The following SVEP1 variants were observed in gnomAD, a reference collection of about 807,000 sequenced individuals.
The protein encoded by SVEP1 is sushi, von Willebrand factor type A, EGF and pentraxin domain containing 1.
In SVEP1, 164 loss-of-function variants were observed where a neutral mutation model predicts 367.3. The observed-to-expected ratio is 0.45, with a 90% confidence interval of 0.39 to 0.51. SVEP1 has a LOEUF of 0.51. SVEP1 is among the 20% of genes least tolerant of loss of function. SVEP1 has a pLI of 0.00. For synonymous variants in SVEP1, 1,666 were observed against 1,611.6 expected (o/e 1.03, Z -0.81); for missense variants, 4,117 against 4,425.3 (o/e 0.93, Z 1.98).
intron 1 of SVEP1, among the ~76,000 whole-genome samples, chr9:110,573,961 T>C (rs1483995528): frequency 6.6e-6 from 1 of 152,242 alleles, no homozygotes. Context: ...GGGGTGGTTC[T>C]GAAGAGACTA....
intron 14 of SVEP1, among the ~76,000 whole-genome samples, chr9:110,473,767 T>C (rs1374827733): frequency 2.0e-5 from 3 of 152,194 alleles, no homozygotes; most frequent in Non-Finnish European, 4.4e-5. Flanking sequence ...TTATGAAATG[T>C]AGTACATATT....
chr9:110,370,360 C>A (rs10980348), intron 46 of SVEP1, among the ~76,000 whole-genome samples: 32,206 of 152,026 alleles, frequency 0.21, 3,957 homozygotes, highest in Middle Eastern at 0.35. Context: ...ATGTTTTGAA[C>A]TATAAATTTT....
rs533005176 is a variant in SVEP1, at chr9:110,515,400, G to A, written c.965-1294C>T. Among the ~76,000 whole-genome samples the A allele has an allele frequency of 8.0e-4, 119 of 149,166 alleles. 1 individual carries two copies. The highest frequency in any genetic ancestry group is 1.4e-3 in the Admixed American group (20 of 14,730). ...ACTGCAACCTCTGCCTCCCTGGTTC[G>A]TGCCATTCTCCTGCCTCAGCCTCCC... On this transcript the variant is annotated intron_variant, in intron 3 of 47. Coordinates refer to ENST00000374469, the MANE Select transcript of SVEP1 (RefSeq NM_153366.4).
At chr9:110,468,179 G>A (rs1828967046) in intron 17 of SVEP1, among the ~76,000 whole-genome samples, 1 of 152,206 alleles carries the variant, frequency 6.6e-6, no homozygotes, top group African/African-American at 2.4e-5. Flanking sequence ...GATGAATGTG[G>A]ATTGGAGTTT....
chr9:110,446,093 T>C, intron 25 of SVEP1, 55 bp from the exon 26 acceptor site: 1 of 1,501,420 alleles, frequency 6.7e-7, no homozygotes, highest in Admixed American at 2.0e-5. Flanking sequence ...CATTTCCAAT[T>C]GTCAGAGGAA....
At chr9:110,466,063 T>C (rs368292149) in intron 17 of SVEP1, 37 bp from the exon 18 acceptor site, 4 of 1,590,788 alleles carry the variant, frequency 2.5e-6, no homozygotes, top group South Asian at 2.2e-5. Context: ...TCAATAATGA[T>C]ATTAAGCTGC....
chr9:110,566,321 C>G (rs1830492677), intron 1 of SVEP1, among the ~76,000 whole-genome samples: 2 of 136,304 alleles, frequency 1.5e-5, no homozygotes, highest in South Asian at 2.5e-4. Flanking sequence ...GATCCTGTCT[C>G]CATAATAAAT....
At chr9:110,461,427 A>G (rs1441233773) in intron 18 of SVEP1, among the ~76,000 whole-genome samples, 1 of 152,210 alleles carries the variant, frequency 6.6e-6, no homozygotes, top group Non-Finnish European at 1.5e-5. Flanking sequence ...ACAGAACACA[A>G]AAAGTAGCTA....
At chr9:110,437,301 C>T (rs1348162422) in intron 27 of SVEP1, among the ~76,000 whole-genome samples, 1 of 152,212 alleles carries the variant, frequency 6.6e-6, no homozygotes, top group Non-Finnish European at 1.5e-5. Flanking sequence ...TCCAGCACTA[C>T]AGGTTCCTAA....
intron 9 of SVEP1, among the ~76,000 whole-genome samples, chr9:110,485,548 C>A (rs1159970767): frequency 6.6e-6 from 1 of 152,132 alleles, no homozygotes; most frequent in Non-Finnish European, 1.5e-5. Context: ...ACCTATGTAA[C>A]AAACTTGCAC....
At chr9:110,547,771 C>T (rs1171230260) in intron 2 of SVEP1, among the ~76,000 whole-genome samples, 1 of 152,116 alleles carries the variant, frequency 6.6e-6, no homozygotes, top group African/African-American at 2.4e-5. Flanking sequence ...TTGAAAGTAG[C>T]TGCAGAGAAC....
chr9:110,431,665 C>G (rs181838624), intron 32 of SVEP1, among the ~76,000 whole-genome samples: 1 of 152,264 alleles, frequency 6.6e-6, no homozygotes, highest in East Asian at 1.9e-4. Flanking sequence ...GACGTTTCAA[C>G]ATTGTAGAAT....
chr9:110,495,108 C>A, intron 8 of SVEP1, among the ~76,000 whole-genome samples: 1 of 152,140 alleles, frequency 6.6e-6, no homozygotes, highest in East Asian at 1.9e-4. Context: ...GAACAGAAGC[C>A]ATTCACAATG....
intron 1 of SVEP1, among the ~76,000 whole-genome samples, chr9:110,555,353 T>A (rs1223616369): frequency 1.3e-5 from 2 of 152,158 alleles, no homozygotes; most frequent in East Asian, 3.8e-4. Flanking sequence ...TACAGGATAG[T>A]CTGGAGCAGA....
chr9:110,482,191 A>G (rs1829201980), intron 11 of SVEP1, among the ~76,000 whole-genome samples, 170 bp downstream of exon 11: 1 of 152,248 alleles, frequency 6.6e-6, no homozygotes, highest in Non-Finnish European at 1.5e-5. Context: ...AAACATTTAT[A>G]TCTATCACAA....
intron 1 of SVEP1, among the ~76,000 whole-genome samples, chr9:110,578,201 A>C (rs369180929): frequency 2.0e-4 from 30 of 152,328 alleles, no homozygotes; most frequent in East Asian, 1.9e-3. Flanking sequence ...TGTTGCACGC[A>C]ATGGAATAGT....
At chr9:110,554,903 A>G (rs1431608222) in intron 1 of SVEP1, among the ~76,000 whole-genome samples, 1 of 152,182 alleles carries the variant, frequency 6.6e-6, no homozygotes, top group East Asian at 1.9e-4. Flanking sequence ...GGAAAAGTCC[A>G]ATTATCTGTT....
chr9:110,531,902 C>T (rs1483335708), intron 3 of SVEP1, among the ~76,000 whole-genome samples: 2 of 152,144 alleles, frequency 1.3e-5, no homozygotes, highest in African/African-American at 4.8e-5. Flanking sequence ...AACCACATAA[C>T]ATAAAAGAGA....
Position 110,389,510 on chromosome 9 carries a change from G to A in SVEP1, c.9886+14C>T, listed in dbSNP as rs1415705033. 5.0e-6 allele frequency: 8 copies of A among 1,612,858 alleles called. No individual in the cohort carries two copies. The highest frequency in any genetic ancestry group is 1.3e-5 in the African/African-American group (1 of 74,814). On this transcript the variant is annotated intron_variant, in intron 41 of 47. Transcript: ENST00000374469. Reference sequence around the variant, plus strand: ...AGTGTCATTTTGGGGGCTGCTAAGTGTCATTCAACTCACCTTTGCATATTG... The same window carrying A: ...AGTGTCATTTTGGGGGCTGCTAAGTATCATTCAACTCACCTTTGCATATTG...
Sources: allele counts gnomAD v4.1 joint callset (sites outside exome capture counted in the v4.1 genomes callset), GRCh38; gene constraint gnomAD v4.1.1; transcripts MANE v1.5; gene names NCBI Gene and HGNC (gene_info 2026-07-23, HGNC 2026-07-21).